Variants in CHD1L observed in about 807,000 individuals in gnomAD.
CHD1L encodes ATP-dependent chromatin remodeler CHD1L.
In CHD1L, 118 loss-of-function variants were observed where a neutral mutation model predicts 115.9. That is an observed-to-expected ratio of 1.02 (90% CI 0.88 to 1.19). CHD1L has a LOEUF of 1.19. Among genes scored for constraint, CHD1L ranks in the 50% most tolerant of loss-of-function variants. CHD1L has a pLI of 0.00. For missense variants in CHD1L, 1,179 were observed against 1,065.3 expected, an observed-to-expected ratio of 1.11 and a Z score of -1.49; for synonymous variants, 411 against 387.1, an observed-to-expected ratio of 1.06 and a Z score of -0.72.
At chr1:147,178,189 G>A in the CHD1L span, 7 of 1,612,076 alleles carry the variant, frequency 4.3e-6, no homozygotes, top group South Asian at 3.3e-5. Flanking sequence ...GGCTGCCTCC[G>A]ACGTGCTAGG....
rs138825728 is a variant in CHD1L, at chr1:147,272,256, C to T, written c.1245C>T (p.Phe415=). 6.6e-5 allele frequency: 106 copies of T among 1,613,858 alleles called. 1 individual carries two copies. The highest frequency in any genetic ancestry group is 5.1e-4 in the South Asian group (46 of 91,078). ...AIKNFGQQPI[F]VFLLSTRAGG... ...AGAACTTTGGACAGCAGCCCATTTT[C>T]GTTTTTCTCCTGAGTACTAGGGCAG... The change falls in exon 12 of 23, where the codon TTC becomes TTT. Residue 415 remains phenylalanine (F), a synonymous_variant. Coordinates refer to ENST00000369258, the MANE Select transcript of CHD1L (RefSeq NM_004284.6).
intron 22 of CHD1L, 107 bp from the exon 23 acceptor site, chr1:147,295,324 G>A: frequency 1.3e-6 from 1 of 753,798 alleles, no homozygotes; most frequent in South Asian, 1.5e-5. Context: ...GAGAATTAAA[G>A]CATACTACTT....
At chr1:147,206,494 C>T in the CHD1L span, among the ~76,000 whole-genome samples, 1 of 152,154 alleles carries the variant, frequency 6.6e-6, no homozygotes, top group African/African-American at 2.4e-5. Context: ...TTCACAATAG[C>T]AAGGACTTGG....
chr1:147,228,622 A>G, the CHD1L span, among the ~76,000 whole-genome samples: 2 of 152,206 alleles, frequency 1.3e-5, no homozygotes, highest in East Asian at 3.9e-4. Context: ...TTACAGTCCC[A>G]CCAACAGTGT....
chr1:147,203,843 T>C, the CHD1L span: 1 of 1,577,416 alleles, frequency 6.3e-7, no homozygotes, highest in East Asian at 2.2e-5. Flanking sequence ...CTTTTCATGC[T>C]TAAAAACCAC....
the CHD1L span, chr1:147,205,061 C>G: frequency 1.6e-6 from 1 of 633,890 alleles, no homozygotes; most frequent in Non-Finnish European, 2.8e-6. Flanking sequence ...TCCAGCCATA[C>G]CAGACTACAT....
intron 9 of CHD1L, among the ~76,000 whole-genome samples, chr1:147,267,899 A>T (rs1486866882): frequency 6.6e-6 from 1 of 152,030 alleles, no homozygotes; most frequent in Admixed American, 6.6e-5. Context: ...CTTAAAAATC[A>T]TTTCTTCTTG....
the CHD1L span, chr1:147,203,944 A>G: frequency 7.4e-7 from 1 of 1,343,868 alleles, no homozygotes; most frequent in Non-Finnish European, 1.1e-6. Flanking sequence ...GAAGAGCTGT[A>G]GCACCAACTG....
the CHD1L span, chr1:147,204,433 G>A: frequency 2.5e-6 from 3 of 1,206,700 alleles, no homozygotes; most frequent in South Asian, 2.4e-5. Flanking sequence ...ACACATTACA[G>A]AGGTACGAAG....
chr1:147,249,404 ATTTTTT>A (rs59773572), intron 1 of CHD1L, among the ~76,000 whole-genome samples: 2 of 94,172 alleles, frequency 2.1e-5, no homozygotes, highest in South Asian at 4.0e-4. Context: ...CTTGGTGTGT[ATTTTTT>A]TTTTTTTTTT....
At chr1:147,245,248 A>G (rs782439187) in intron 1 of CHD1L, among the ~76,000 whole-genome samples, 1 of 152,222 alleles carries the variant, frequency 6.6e-6, no homozygotes, top group Non-Finnish European at 1.5e-5. Context: ...TTAGCCAGGC[A>G]CGTGACTGGG....
the CHD1L span, among the ~76,000 whole-genome samples, chr1:147,232,071 T>C: frequency 6.6e-6 from 1 of 152,304 alleles, no homozygotes; most frequent in South Asian, 2.1e-4. Context: ...CCATCTTGGC[T>C]CCACCCCCCA....
intron 7 of CHD1L, 127 bp downstream of exon 7, chr1:147,264,711 G>A (rs770689954): frequency 1.5e-5 from 13 of 885,752 alleles, no homozygotes; most frequent in East Asian, 2.6e-5. Flanking sequence ...GAGACAGACC[G>A]CTGATATTAG....
intron 1 of CHD1L, among the ~76,000 whole-genome samples, chr1:147,251,203 T>C (rs146787066): frequency 6.6e-6 from 1 of 152,324 alleles, no homozygotes; most frequent in Non-Finnish European, 1.5e-5. Context: ...TCTACATCAG[T>C]TGGTGTTTCC....
the CHD1L span, among the ~76,000 whole-genome samples, chr1:147,227,581 G>T: frequency 1.3e-5 from 2 of 152,164 alleles, no homozygotes; most frequent in Non-Finnish European, 2.9e-5. Flanking sequence ...CAATTTGCAA[G>T]TAAGTCAATT....
chr1:147,222,979 A>G, the CHD1L span, among the ~76,000 whole-genome samples: 67,600 of 152,026 alleles, frequency 0.44, 15,672 homozygotes, highest in East Asian at 0.69. Flanking sequence ...CCAACATGTA[A>G]CACTATGTTC....
In CHD1L at chr1:147,294,562, G is replaced by A. The variant is rs587699413; in HGVS notation, c.2615+45G>A. The A allele has an allele frequency of 5.0e-4, 729 of 1,460,462 alleles. 10 individuals carry two copies. The South Asian group carries it at 6.4e-3, about 13-fold the overall frequency. 90.5% of individuals were successfully genotyped at this position (1,460,462 alleles called of 1,614,324 possible). A position where few individuals can be genotyped will look rare whatever the true frequency, so the allele number is the denominator to read the frequency against. On this transcript the variant is annotated intron_variant, in intron 22 of 22. Coordinates refer to ENST00000369258, the MANE Select transcript of CHD1L (RefSeq NM_004284.6). ...ATTGTGTGTTCTCCCAACCCAAGAG[G>A]GAAAATGTGTTCATTTTCTGGTGTC...
Position 147,249,404 on chromosome 1 carries a change from A to ATTTTTTTTTTT in CHD1L, c.128-3209_128-3199dup, listed in dbSNP as rs59773572. ...TTAATAATTACATATCTTGGTGTGTATTTTTTTTTTTTTTTTTTTTGAGAT... is the reference window on the plus strand; with the variant it reads ...TTAATAATTACATATCTTGGTGTGTATTTTTTTTTTTTTTTTTTTTTTTTTTTTTTTGAGAT... On this transcript the variant is annotated intron_variant, in intron 1 of 22. Coordinates refer to ENST00000369258, the MANE Select transcript of CHD1L (RefSeq NM_004284.6). Among the ~76,000 whole-genome samples, 20 of 94,162 alleles carry ATTTTTTTTTTT rather than the reference A, an allele frequency of 2.1e-4. 1 individual carries two copies. Among genetic ancestry groups the ATTTTTTTTTTT allele is most frequent in the Admixed American group, 3.1e-4 (2 of 6,414 alleles). 61.8% of individuals were successfully genotyped at this position (94,162 alleles called of 152,430 possible).
chr1:147,238,258 TA>T (rs1366374307), upstream of CHD1L, among the ~76,000 whole-genome samples: 1 of 152,252 alleles, frequency 6.6e-6, no homozygotes, highest in Non-Finnish European at 1.5e-5. Context: ...CAAGTTCATT[TA>T]CTCAAGAGGT....
Sources: gnomAD v4.1 joint callset for allele counts (sites outside exome capture counted in the v4.1 genomes callset) on GRCh38, gnomAD v4.1.1 for gene constraint, MANE v1.5 for transcripts, NCBI Gene and HGNC (gene_info 2026-07-23, HGNC 2026-07-21) for gene names.